Variants in UNC5C observed in about 807,000 individuals in gnomAD.
UNC5C encodes unc-5 netrin receptor C.
In UNC5C, 47 loss-of-function variants were observed where a neutral mutation model predicts 99.8. The ratio of observed to expected loss-of-function variants is 0.47; its 90% CI spans 0.37 to 0.60. UNC5C has a LOEUF of 0.60. Among genes scored for constraint, UNC5C ranks in the 20% least tolerant of loss-of-function variants. The pLI is 0.00. For missense variants in UNC5C, 1,062 were observed against 1,165.9 expected, an observed-to-expected ratio of 0.91 and a Z score of 1.30; for synonymous variants, 487 against 452.2, an observed-to-expected ratio of 1.08 and a Z score of -0.98.
intron 12 of UNC5C, among the ~76,000 whole-genome samples, chr4:95,193,697 C>T (rs1250878860): frequency 6.6e-6 from 1 of 152,150 alleles, no homozygotes; most frequent in Non-Finnish European, 1.5e-5. Flanking sequence ...GGGGCCTGCA[C>T]TCCACCGAAG....
chr4:95,491,738 T>C (rs1326202582), intron 1 of UNC5C, among the ~76,000 whole-genome samples: 3 of 151,614 alleles, frequency 2.0e-5, no homozygotes, highest in Non-Finnish European at 4.4e-5. Context: ...ATATGTTGTG[T>C]TCCAAATAAA....
intron 1 of UNC5C, among the ~76,000 whole-genome samples, chr4:95,517,933 C>G (rs933700993): frequency 6.6e-6 from 1 of 151,976 alleles, no homozygotes; most frequent in Non-Finnish European, 1.5e-5. Context: ...AACCAGTAGA[C>G]AAATCACATT....
At chr4:95,462,057 G>A (rs1430236734) in intron 1 of UNC5C, among the ~76,000 whole-genome samples, 1 of 151,836 alleles carries the variant, frequency 6.6e-6, no homozygotes, top group Non-Finnish European at 1.5e-5. Flanking sequence ...TTTTAGGTGA[G>A]TGAATAGAGA....
At chr4:95,374,133 AAAT>A (rs1359259821) in intron 1 of UNC5C, among the ~76,000 whole-genome samples, 5 of 152,144 alleles carry the variant, frequency 3.3e-5, no homozygotes, top group Non-Finnish European at 7.3e-5. Flanking sequence ...TGAATTATGA[AAAT>A]AATTCAAGAA....
chr4:95,219,144 G>T lies in UNC5C; in HGVS notation c.1470C>A (p.Pro490=). The change falls in exon 9 of 16, where the codon CCC becomes CCA. Residue 490 remains proline, a synonymous_variant. Coordinates refer to ENST00000453304, the MANE Select transcript of UNC5C (RefSeq NM_003728.4). The stretch of plus-strand genomic sequence containing the variant: ...ACGTAAACTCAGAGAGGTCATCTTG[G>T]GGGGTGACAGCACCTGAGGTGTTGT... ...KVYNTSGAVT[P]QDDLSEFTSK... 1 of 1,614,112 alleles carries T rather than the reference G, an allele frequency of 6.2e-7. No homozygotes were observed. The highest frequency in any genetic ancestry group is 8.5e-7 in the Non-Finnish European group (1 of 1,180,016).
chr4:95,475,828 C>G (rs1356025129), intron 1 of UNC5C, among the ~76,000 whole-genome samples: 2 of 152,062 alleles, frequency 1.3e-5, no homozygotes, highest in Non-Finnish European at 2.9e-5. Context: ...AAAACTATTA[C>G]CAAATCATTC....
In UNC5C at chr4:95,219,252, A is replaced by G; in HGVS notation, c.1362T>C (p.Tyr454=). 1 of 1,614,200 alleles carries G rather than the reference A, an allele frequency of 6.2e-7. No individual in the cohort carries two copies. The highest frequency in any genetic ancestry group is 8.5e-7 in the Non-Finnish European group (1 of 1,180,028). The change falls in exon 9 of 16, where the codon TAT becomes TAC. Residue 454 remains tyrosine (Y), a synonymous_variant. Transcript: ENST00000453304. ...SAAAMYRGPV[Y]ALHDVSDKIP... Reference sequence around the variant, plus strand: ...TTTTGTCTGAGACGTCATGCAGGGCATAGACAGGTCCTCTGTACATGGCTG... The same window carrying G: ...TTTTGTCTGAGACGTCATGCAGGGCGTAGACAGGTCCTCTGTACATGGCTG...
At chr4:95,260,790 C>T (rs367631622) in intron 4 of UNC5C, among the ~76,000 whole-genome samples, 30 of 151,996 alleles carry the variant, frequency 2.0e-4, no homozygotes, top group African/African-American at 2.2e-4. Flanking sequence ...GAAATTGGGA[C>T]GACAGAGAAG....
At chr4:95,343,213 C>T (rs1743644704) in intron 1 of UNC5C, among the ~76,000 whole-genome samples, 1 of 152,054 alleles carries the variant, frequency 6.6e-6, no homozygotes, top group Admixed American at 6.6e-5. Context: ...AGACTCAGTA[C>T]TGTGCTGGAT....
intron 4 of UNC5C, among the ~76,000 whole-genome samples, chr4:95,263,107 GC>G (rs1170048029): frequency 6.6e-6 from 1 of 152,104 alleles, no homozygotes; most frequent in Admixed American, 6.5e-5. Context: ...GAGCCATTGT[GC>G]CTGGCAAGTT....
chr4:95,465,584 T>C (rs948274839), intron 1 of UNC5C, among the ~76,000 whole-genome samples: 2 of 152,086 alleles, frequency 1.3e-5, no homozygotes, highest in Non-Finnish European at 2.9e-5. Context: ...TGAACAGATT[T>C]GGTGGTTCTT....
intron 1 of UNC5C, among the ~76,000 whole-genome samples, chr4:95,448,215 T>G (rs1258773764): frequency 1.1e-5 from 1 of 93,864 alleles, no homozygotes; most frequent in Admixed American, 1.0e-4. Flanking sequence ...TGTGTGTGTG[T>G]GTGTGTGTGT....
intron 1 of UNC5C, among the ~76,000 whole-genome samples, chr4:95,483,648 C>T (rs369292990): frequency 6.6e-6 from 1 of 151,760 alleles, no homozygotes; most frequent in Non-Finnish European, 1.5e-5. Flanking sequence ...CTTACAATCA[C>T]CCCAAATCAG....
chr4:95,210,844 C>G lies in UNC5C; in HGVS notation c.1734-4048G>C, dbSNP rs564177048. Among the ~76,000 whole-genome samples, 10 of 152,268 alleles carry G rather than the reference C, an allele frequency of 6.6e-5. No homozygotes were observed. In the South Asian group the frequency reaches 1.5e-3, roughly 22 times the overall value. ...ATTATCAGTGAGGAGAACTTCTAAT[C>G]AAGAGTGCATAATTTACAAAACTTT... On this transcript the variant is annotated intron_variant, in intron 10 of 15. Transcript: ENST00000453304.
chr4:95,387,232 T>C (rs1309031523), intron 1 of UNC5C, among the ~76,000 whole-genome samples: 1 of 152,086 alleles, frequency 6.6e-6, no homozygotes, highest in Admixed American at 6.6e-5. Context: ...TTGGCCTTCC[T>C]GGCTCAAGCC....
chr4:95,211,811 T>C (rs1371873893), intron 10 of UNC5C, among the ~76,000 whole-genome samples: 1 of 152,242 alleles, frequency 6.6e-6, no homozygotes, highest in Non-Finnish European at 1.5e-5. Context: ...AGAAGTGTTT[T>C]CGTAAACTAT....
At chr4:95,364,747 A>T (rs1216868154) in intron 1 of UNC5C, among the ~76,000 whole-genome samples, 3 of 152,164 alleles carry the variant, frequency 2.0e-5, no homozygotes, top group Non-Finnish European at 4.4e-5. Flanking sequence ...TAAGTACATC[A>T]AAAGTGTCTA....
Position 95,548,758 on chromosome 4 carries a change from T to A in UNC5C, c.100A>T (p.Ser34Cys). 1 of 1,612,952 alleles carries A rather than the reference T, an allele frequency of 6.2e-7. No individual in the cohort carries two copies. The change falls in exon 1 of 16, where the codon AGC becomes TGC. Residue 34 changes from serine to cysteine, a missense_variant. Around this residue, in one of 3 missense-constraint regions of UNC5C, gnomAD observed 249 missense variants for 295.1 expected, o/e 0.84. Coordinates refer to ENST00000453304, the MANE Select transcript of UNC5C (RefSeq NM_003728.4). The stretch of plus-strand genomic sequence containing the variant: ...CCTTGGGCGGCGGAGCCAGTGCCGC[T>A]GGCGCTGAGCAGGGCCAGGGCAGGT... ...VLPALALLSA[S>C]GTGSAAQDDD...
intron 1 of UNC5C, among the ~76,000 whole-genome samples, chr4:95,482,121 C>T (rs1444746319): frequency 1.3e-5 from 2 of 151,966 alleles, no homozygotes; most frequent in African/African-American, 4.8e-5. Context: ...TGACAAAGGG[C>T]TAATATCCAG....
Sources: allele counts gnomAD v4.1 joint callset (sites outside exome capture counted in the v4.1 genomes callset), GRCh38; gene constraint gnomAD v4.1.1; regional missense constraint gnomAD v4.1.1; transcripts MANE v1.5; gene names NCBI Gene and HGNC (gene_info 2026-07-23, HGNC 2026-07-21).